The following CFAP46 variants were observed in gnomAD, a reference collection of about 807,000 sequenced individuals.
The protein encoded by CFAP46 is cilia and flagella associated protein 46, also known as cilia- and flagella-associated protein 46.
In CFAP46, 245 loss-of-function variants were observed where a neutral mutation model predicts 325.7. The ratio of observed to expected loss-of-function variants is 0.75; its 90% CI spans 0.68 to 0.84. The LOEUF is 0.84. Among genes scored for constraint, CFAP46 ranks in the 40% least tolerant of loss-of-function variants. The pLI is 0.00. For synonymous variants in CFAP46, 1,523 were observed against 1,495.9 expected, an observed-to-expected ratio of 1.02 and a Z score of -0.42; for missense variants, 3,346 against 3,543.0, an observed-to-expected ratio of 0.94 and a Z score of 1.41.
At chr10:132,910,577 CTA>C (rs1849527088) in intron 19 of CFAP46, among the ~76,000 whole-genome samples, 1 of 152,220 alleles carries the variant, frequency 6.6e-6, no homozygotes, top group Admixed American at 6.5e-5. Context: ...TTCCTCATCT[CTA>C]TGTAGAAATG....
intron 50 of CFAP46, 142 bp from the exon 51 acceptor site, chr10:132,815,056 T>C: frequency 1.3e-6 from 1 of 783,758 alleles, no homozygotes; most frequent in South Asian, 1.7e-5. Flanking sequence ...GGTTTTAATT[T>C]GTGTAAAGTT....
At chr10:132,857,142 G>T (rs1483004983) in intron 39 of CFAP46, among the ~76,000 whole-genome samples, 1 of 152,228 alleles carries the variant, frequency 6.6e-6, no homozygotes, top group Non-Finnish European at 1.5e-5. Context: ...CCAGCATGGG[G>T]TAGCTTCCTC....
At chr10:132,861,027 T>G (rs1348968299) in intron 35 of CFAP46, 45 bp from the exon 36 acceptor site, 1 of 1,532,090 alleles carries the variant, frequency 6.5e-7, no homozygotes. Context: ...TCTACAGATG[T>G]GTGCAGGCAG....
Position 132,878,009 on chromosome 10 carries a change from T to G in CFAP46, c.4084A>C (p.Lys1362Gln). 2 of 1,550,734 alleles carry G rather than the reference T, an allele frequency of 1.3e-6. No individual in the cohort carries two copies. The highest frequency in any genetic ancestry group is 1.7e-6 in the Non-Finnish European group (2 of 1,147,034). Residue 1362 changes from lysine to glutamine, a missense_variant, in exon 30 of 58, where the codon AAA becomes CAA. Physicochemically the swap from Lys to Gln is moderately conservative, Grantham distance 53 (BLOSUM62 1). Transcript: ENST00000368586. ...AATSSHLLLP[K>Q]KEKENERSKE... ...CTCCTCTCATTCTCCTTCTCTTTTT[T>G]AGGCAATAACAGATGTGAGCTGGTT...
In CFAP46 at chr10:132,810,396, G is replaced by A. The variant is rs368201303; in HGVS notation, c.7664+13C>T. On this transcript the variant is annotated intron_variant, in intron 57 of 57. Transcript: ENST00000368586. ...TGCTGAAGGCCGCGGGGTGCAGGCC[G>A]CCCCTCCCTTACCTTGGTTCACCGC... 96 of 1,612,168 alleles carry A rather than the reference G, an allele frequency of 6.0e-5. No homozygotes were observed. In the African/African-American group the frequency reaches 6.3e-4, roughly 11 times the overall value.
chr10:132,887,162 C>G, intron 25 of CFAP46, among the ~76,000 whole-genome samples: 1 of 33,642 alleles, frequency 3.0e-5, no homozygotes, highest in African/African-American at 3.2e-4. Context: ...TCTCTCCTCT[C>G]TCTTCTTTCC....
intron 50 of CFAP46, among the ~76,000 whole-genome samples, chr10:132,826,629 G>C (rs935640120): frequency 1.1e-4 from 13 of 120,270 alleles, no homozygotes; most frequent in Admixed American, 4.9e-4. Flanking sequence ...AGCCAGGCAG[G>C]AGCCGGAGCC....
rs1440601519 is a variant in CFAP46 at position 132,922,728 on chromosome 10, T to A, written c.1257-20A>T. On this transcript the variant is annotated intron_variant, in intron 11 of 57. Transcript: ENST00000368586. ...ATGAGGCTGCGGGGGTGGCGTGGCATCAGGGGCCCTGGCGGCGCTGCGCCT... is the reference window on the plus strand; with the variant it reads ...ATGAGGCTGCGGGGGTGGCGTGGCAACAGGGGCCCTGGCGGCGCTGCGCCT... 2.0e-6 allele frequency: 3 copies of A among 1,533,722 alleles called. No homozygotes were observed. In the South Asian group the frequency reaches 3.6e-5, roughly 18 times the overall value.
chr10:132,923,154 T>C (rs1785115536), intron 11 of CFAP46, among the ~76,000 whole-genome samples: 1 of 152,076 alleles, frequency 6.6e-6, no homozygotes, highest in Non-Finnish European at 1.5e-5. Context: ...CCCCCTGGCC[T>C]TGAGCAGCCA....
chr10:132,892,273 C>T, intron 25 of CFAP46, 60 bp downstream of exon 25: 1 of 1,496,062 alleles, frequency 6.7e-7, no homozygotes, highest in Non-Finnish European at 9.1e-7. Flanking sequence ...TTAAAATTGG[C>T]TCAAGTCCTT....
chr10:132,878,537 C>T (rs1848991188), intron 29 of CFAP46, among the ~76,000 whole-genome samples: 1 of 152,214 alleles, frequency 6.6e-6, no homozygotes, highest in South Asian at 2.1e-4. Flanking sequence ...GTGGCTGGCC[C>T]TGGGGGAGAC....
chr10:132,824,042 TG>T (rs1847968441), intron 50 of CFAP46, among the ~76,000 whole-genome samples: 1 of 132,812 alleles, frequency 7.5e-6, no homozygotes, highest in African/African-American at 3.0e-5. Flanking sequence ...TGATGTGTGC[TG>T]ATGTGTGCTG....
At chr10:132,833,893 AG>A (rs1848193546) in intron 49 of CFAP46, 147 bp downstream of exon 49, 1 of 722,420 alleles carries the variant, frequency 1.4e-6, no homozygotes, top group East Asian at 2.5e-5. Flanking sequence ...AGGCGCAGGG[AG>A]GCCTCAGGGG....
intron 16 of CFAP46, among the ~76,000 whole-genome samples, chr10:132,917,186 A>G (rs1849653501): frequency 6.6e-6 from 1 of 152,262 alleles, no homozygotes; most frequent in Non-Finnish European, 1.5e-5. Context: ...AGCTGAGGGC[A>G]TGGGCCTGGC....
chr10:132,934,931 ACT>A, intron 7 of CFAP46, 69 bp from the exon 8 acceptor site: 1 of 989,652 alleles, frequency 1.0e-6, no homozygotes, highest in Non-Finnish European at 1.6e-6. Flanking sequence ...TCTAAGAGAA[ACT>A]CTGCGTGTAT....
chr10:132,899,294 G>A (rs1849361321), intron 23 of CFAP46, among the ~76,000 whole-genome samples, 173 bp from the exon 24 acceptor site: 1 of 152,260 alleles, frequency 6.6e-6, no homozygotes, highest in East Asian at 1.9e-4. Context: ...GCCTTTCTGG[G>A]CAGCACGAGG....
At chr10:132,839,205 C>T (rs910947275) in intron 44 of CFAP46, among the ~76,000 whole-genome samples, 2 of 150,990 alleles carry the variant, frequency 1.3e-5, no homozygotes, top group African/African-American at 2.5e-5. Flanking sequence ...TGAATTTCAG[C>T]GCAGTCTGAT....
intron 7 of CFAP46, among the ~76,000 whole-genome samples, chr10:132,936,258 TCA>T (rs1850003115): frequency 1.3e-5 from 1 of 77,924 alleles, no homozygotes; most frequent in Non-Finnish European, 2.4e-5. Context: ...CTCACTCCCC[TCA>T]CATCCAAACA....
Position 132,860,307 on chromosome 10 carries a change from C to A in CFAP46, c.5198+110G>T, listed in dbSNP as rs59293160. ...AAGCTGTGGATATGTGGCCCCATGA[C>A]GTGGGTCTCTGAACTTGCATAGACT... On this transcript the variant is annotated intron_variant, in intron 37 of 57. Coordinates refer to ENST00000368586, the MANE Select transcript of CFAP46 (RefSeq NM_001200049.3). The A allele has an allele frequency of 5.6e-6, 4 of 720,260 alleles. No homozygotes were observed. The South Asian group carries it at 7.1e-5, about 13-fold the overall frequency. 44.6% of individuals were successfully genotyped at this position (720,260 alleles called of 1,614,324 possible).
Sources: gnomAD v4.1 joint callset for allele counts (sites outside exome capture counted in the v4.1 genomes callset) on GRCh38, gnomAD v4.1.1 for gene constraint, MANE v1.5 for transcripts, NCBI Gene and HGNC (gene_info 2026-07-23, HGNC 2026-07-21) for gene names.